The following DGKB variants were observed in gnomAD, a reference collection of about 807,000 sequenced individuals.
The protein encoded by DGKB is diacylglycerol kinase beta.
In DGKB, 67 loss-of-function variants were observed where a neutral mutation model predicts 114.3. The ratio of observed to expected loss-of-function variants is 0.59; its 90% CI spans 0.48 to 0.72. The LOEUF (loss-of-function observed/expected upper bound fraction) is 0.72, where lower values mean the gene tolerates loss of function less well. Among genes scored for constraint, DGKB ranks in the 30% least tolerant of loss-of-function variants. The pLI is 0.00. For missense variants in DGKB, 907 were observed against 975.2 expected (o/e 0.93, Z 0.93); for synonymous variants, 398 against 323.1 (o/e 1.23, Z -2.49).
chr7:14,586,486 C>A (rs1437297925), intron 17 of DGKB, among the ~76,000 whole-genome samples: 1 of 152,080 alleles, frequency 6.6e-6, no homozygotes, highest in Non-Finnish European at 1.5e-5. Context: ...AGCAAATTAT[C>A]CAGAAGATCT....
chr7:14,803,331 AC>A (rs2128055687), intron 2 of DGKB, among the ~76,000 whole-genome samples: 1 of 152,182 alleles, frequency 6.6e-6, no homozygotes, highest in Admixed American at 6.6e-5. Flanking sequence ...CAAGGATAAA[AC>A]CCTCTTTTTC....
chr7:14,862,806 A>G (rs960113575), intron 1 of DGKB, among the ~76,000 whole-genome samples: 15 of 152,162 alleles, frequency 9.9e-5, no homozygotes, highest in African/African-American at 3.4e-4. Flanking sequence ...ATGCAACTTT[A>G]CAACTTCATT....
At position 14,861,831 on chromosome 7, in the gene DGKB, G is replaced by T. The variant is rs1337709838; in HGVS notation, c.-187-20381C>A. 6.6e-5 allele frequency among the ~76,000 whole-genome samples: 10 copies of T among 151,994 alleles called. No individual in the cohort carries two copies. In the South Asian group the frequency reaches 1.7e-3, roughly 25 times the overall value. On this transcript the variant is annotated intron_variant, in intron 1 of 25. Transcript: ENST00000402815. ...TTTTCACTGCTGTGACAATTCCATT[G>T]TCTGAATACATCTTAATTATTCTCT...
intron 1 of DGKB, among the ~76,000 whole-genome samples, chr7:14,875,372 G>A (rs1853118489): frequency 6.6e-6 from 1 of 152,012 alleles, no homozygotes; most frequent in Admixed American, 6.6e-5. Flanking sequence ...AAATCTGGGA[G>A]TACTTTAATC....
At chr7:14,648,100 GTAAACAAAGCTGCCAGGAAGCTGGAAC>G (rs1813515109) in intron 13 of DGKB, among the ~76,000 whole-genome samples, 1 of 152,206 alleles carries the variant, frequency 6.6e-6, no homozygotes, top group Non-Finnish European at 1.5e-5. Context: ...GCTTGATTAG[GTAAACAAAGCTGCCAGGAAGCTGGAAC>G]TGGGTGGAGC....
At chr7:14,768,631 T>C (rs1836823144) in intron 2 of DGKB, among the ~76,000 whole-genome samples, 1 of 150,934 alleles carries the variant, frequency 6.6e-6, no homozygotes, top group Admixed American at 6.6e-5. Context: ...GTTATTACTC[T>C]AAAAATAATC....
chr7:14,549,195 A>G (rs893315467), intron 20 of DGKB, among the ~76,000 whole-genome samples: 6 of 152,164 alleles, frequency 3.9e-5, no homozygotes, highest in African/African-American at 1.4e-4. Context: ...CAAAAAACAG[A>G]AAGTGAGTCA....
intron 20 of DGKB, among the ~76,000 whole-genome samples, chr7:14,535,886 G>GT (rs554987755): frequency 4.4e-4 from 67 of 151,742 alleles, no homozygotes; most frequent in Middle Eastern, 3.4e-3. Flanking sequence ...CACCTGGCCT[G>GT]TTTTTTTTAA....
intron 23 of DGKB, among the ~76,000 whole-genome samples, chr7:14,185,024 G>C (rs1385001737): frequency 6.6e-6 from 1 of 152,166 alleles, no homozygotes; most frequent in African/African-American, 2.4e-5. Context: ...GTCCTAGTTA[G>C]AACAATCAGA....
intron 21 of DGKB, among the ~76,000 whole-genome samples, chr7:14,392,995 G>GTTTTTGTTTTTGTT: frequency 3.3e-5 from 2 of 60,548 alleles, no homozygotes; most frequent in African/African-American, 4.8e-5. Context: ...TTTTGTTTTT[G>GTTTTTGTTTTTGTT]TTTTTTTTTT....
At chr7:14,915,039 C>G (rs1784174679) in intron 1 of DGKB, among the ~76,000 whole-genome samples, 1 of 151,930 alleles carries the variant, frequency 6.6e-6, no homozygotes, top group African/African-American at 2.4e-5. Flanking sequence ...GGGACAATTA[C>G]AAACATAAGC....
intron 23 of DGKB, among the ~76,000 whole-genome samples, chr7:14,313,920 C>T (rs1191875018): frequency 2.0e-5 from 3 of 152,216 alleles, no homozygotes; most frequent in South Asian, 2.1e-4. Context: ...TCTCCCAGTG[C>T]GCAGCCAGAG....
At chr7:14,516,854 A>T (rs6980167) in intron 20 of DGKB, among the ~76,000 whole-genome samples, 68,004 of 151,808 alleles carry the variant, frequency 0.45, 15,821 homozygotes, top group East Asian at 0.73. Context: ...ACAGGAAGAG[A>T]CAATATTGTT....
At chr7:14,552,815 T>C (rs1390553396) in intron 20 of DGKB, among the ~76,000 whole-genome samples, 1 of 152,202 alleles carries the variant, frequency 6.6e-6, no homozygotes, top group Non-Finnish European at 1.5e-5. Flanking sequence ...GTGGACTTTC[T>C]ACCAACATGT....
At chr7:14,854,009 G>T (rs1313641268) in intron 1 of DGKB, among the ~76,000 whole-genome samples, 1 of 151,732 alleles carries the variant, frequency 6.6e-6, no homozygotes, top group Non-Finnish European at 1.5e-5. Flanking sequence ...CATCTTGCCT[G>T]ACTCATTAGC....
intron 20 of DGKB, among the ~76,000 whole-genome samples, chr7:14,556,882 G>T (rs1342916667): frequency 6.6e-6 from 1 of 152,148 alleles, no homozygotes; most frequent in African/African-American, 2.4e-5. Context: ...TCTGCATTCT[G>T]AAATTTTGTT....
chr7:14,388,435 T>C (rs947466729), intron 21 of DGKB, among the ~76,000 whole-genome samples: 4 of 148,222 alleles, frequency 2.7e-5, no homozygotes, highest in African/African-American at 9.8e-5. Flanking sequence ...TGTGTATATA[T>C]ATTATATATA....
At chr7:14,195,863 C>T (rs1238698707) in intron 23 of DGKB, among the ~76,000 whole-genome samples, 2 of 152,070 alleles carry the variant, frequency 1.3e-5, no homozygotes, top group South Asian at 2.1e-4. Flanking sequence ...GTAAGTCTTA[C>T]GTGCTTAGCA....
At chr7:14,751,160 T>C (rs967177880) in intron 4 of DGKB, among the ~76,000 whole-genome samples, 11 of 152,070 alleles carry the variant, frequency 7.2e-5, no homozygotes, top group Non-Finnish European at 2.9e-5. Context: ...AAACAACAGA[T>C]AAACCCTAAA....
Sources: allele counts gnomAD v4.1 joint callset (sites outside exome capture counted in the v4.1 genomes callset), GRCh38; gene constraint gnomAD v4.1.1; transcripts MANE v1.5; gene names NCBI Gene and HGNC (gene_info 2026-07-23, HGNC 2026-07-21).